Variants in NRXN3 observed in about 807,000 individuals in gnomAD.
The protein encoded by NRXN3 is neurexin 3.
In NRXN3, 32 loss-of-function variants were observed where a neutral mutation model predicts 137.6. The ratio of observed to expected loss-of-function variants is 0.23; its 90% CI spans 0.18 to 0.31. The LOEUF is 0.31. NRXN3 is among the 10% of genes least tolerant of loss of function. The pLI is 1.00. For missense variants in NRXN3, 1,574 were observed against 2,062.5 expected, an observed-to-expected ratio of 0.76 and a Z score of 4.59; for synonymous variants, 798 against 784.5, an observed-to-expected ratio of 1.02 and a Z score of -0.29.
At chr14:79,565,617 C>T (rs2097544156) in intron 16 of NRXN3, among the ~76,000 whole-genome samples, 1 of 151,678 alleles carries the variant, frequency 6.6e-6, no homozygotes. Context: ...GTGGAAATTA[C>T]CAATAGGCAG....
chr14:79,139,450 T>A (rs998168881), intron 15 of NRXN3, among the ~76,000 whole-genome samples: 5 of 152,182 alleles, frequency 3.3e-5, no homozygotes, highest in Non-Finnish European at 7.4e-5. Flanking sequence ...ATGAGATTTA[T>A]GGGTTTCACT....
At chr14:78,852,899 T>C (rs2099046536) in intron 10 of NRXN3, among the ~76,000 whole-genome samples, 1 of 151,558 alleles carries the variant, frequency 6.6e-6, no homozygotes, top group Non-Finnish European at 1.5e-5. Flanking sequence ...TTTGAGTTTG[T>C]TTTAATTTTT....
intron 16 of NRXN3, among the ~76,000 whole-genome samples, chr14:79,479,199 T>C (rs565688274): frequency 5.4e-4 from 82 of 152,150 alleles, no homozygotes; most frequent in Admixed American, 1.0e-3. Flanking sequence ...TTCCGCTGGC[T>C]GACTTTTCAT....
intron 15 of NRXN3, among the ~76,000 whole-genome samples, chr14:79,091,869 A>C (rs1471559699): frequency 6.6e-6 from 1 of 152,040 alleles, no homozygotes; most frequent in Non-Finnish European, 1.5e-5. Flanking sequence ...AATCCATGTT[A>C]ATCTTTTCTA....
chr14:79,291,129 C>T (rs1038049731), intron 15 of NRXN3, among the ~76,000 whole-genome samples: 5 of 152,264 alleles, frequency 3.3e-5, no homozygotes, highest in African/African-American at 1.2e-4. Context: ...AATATCTCTG[C>T]ATAATGGAAT....
intron 8 of NRXN3, among the ~76,000 whole-genome samples, chr14:78,776,436 T>G (rs2098745281): frequency 6.6e-6 from 1 of 152,046 alleles, no homozygotes; most frequent in Non-Finnish European, 1.5e-5. Flanking sequence ...GAGCAGATAA[T>G]AGTATTGGGG....
intron 15 of NRXN3, among the ~76,000 whole-genome samples, chr14:79,270,039 G>A (rs1297848575): frequency 6.6e-6 from 1 of 152,244 alleles, no homozygotes; most frequent in African/African-American, 2.4e-5. Flanking sequence ...ATAAGGCCAG[G>A]GATGACATTT....
At chr14:79,577,214 T>C (rs2097673575) in intron 16 of NRXN3, among the ~76,000 whole-genome samples, 1 of 152,176 alleles carries the variant, frequency 6.6e-6, no homozygotes, top group Non-Finnish European at 1.5e-5. Context: ...ATTAAACCTG[T>C]TTTTCTTTAT....
intron 19 of NRXN3, among the ~76,000 whole-genome samples, chr14:79,709,251 A>G (rs896259284): frequency 1.6e-4 from 24 of 152,158 alleles, no homozygotes; most frequent in African/African-American, 5.8e-4. Context: ...CTGAGTAATC[A>G]TGGTATCTGT....
At chr14:78,716,119 T>A (rs771512831) in intron 8 of NRXN3, among the ~76,000 whole-genome samples, 17 of 152,154 alleles carry the variant, frequency 1.1e-4, no homozygotes, top group Non-Finnish European at 2.2e-4. Context: ...TGGGCCAGAA[T>A]GCTGGGAGGA....
intron 11 of NRXN3, 83 bp from the exon 12 acceptor site, chr14:78,965,942 G>A (rs2099416604): frequency 1.4e-6 from 2 of 1,467,550 alleles, no homozygotes; most frequent in South Asian, 2.6e-5. Flanking sequence ...GTGGAAACAG[G>A]TTACACCCAA....
chr14:79,831,629 T>A (rs1306685859), intron 20 of NRXN3, among the ~76,000 whole-genome samples: 6 of 152,152 alleles, frequency 3.9e-5, no homozygotes, highest in Non-Finnish European at 8.8e-5. Context: ...CCCAGCTCCA[T>A]CACTCTAAGA....
chr14:79,053,044 T>C (rs2099644241), intron 15 of NRXN3, among the ~76,000 whole-genome samples: 1 of 152,258 alleles, frequency 6.6e-6, no homozygotes, highest in Non-Finnish European at 1.5e-5. Flanking sequence ...TTACATTCAT[T>C]CATTCATTGA....
At position 78,377,235 on chromosome 14, in the gene NRXN3, C is replaced by T. The variant is rs146285589; in HGVS notation, c.757+79375C>T. 6.5e-3 allele frequency among the ~76,000 whole-genome samples: 985 copies of T among 152,244 alleles called. 6 individuals are homozygous for T. The highest frequency in any genetic ancestry group is 0.022 in the African/African-American group (925 of 41,510). Reference sequence around the variant, plus strand: ...GATAGGAAAATATATATTATGCCAACATTAATTGAAAGAAAATAGGAGTGA... The same window carrying T: ...GATAGGAAAATATATATTATGCCAATATTAATTGAAAGAAAATAGGAGTGA... On this transcript the variant is annotated intron_variant, in intron 4 of 20. Coordinates refer to ENST00000335750, the MANE Select transcript of NRXN3 (RefSeq NM_001330195.2).
At position 78,737,860 on chromosome 14, in the gene NRXN3, AG is replaced by A. The variant is rs1202402371; in HGVS notation, c.2044+22722del. ...TCGCTTTTGGCAGTGACCTGGGTAT[AG>A]TAGGTACTGCTTACCTGCTATCATC... is the stretch of plus-strand genomic sequence containing the variant. On this transcript the variant is annotated intron_variant, in intron 8 of 20. Coordinates refer to ENST00000335750, the MANE Select transcript of NRXN3 (RefSeq NM_001330195.2). 2.2e-4 allele frequency among the ~76,000 whole-genome samples: 33 copies of A among 152,202 alleles called. No individual in the cohort carries two copies. The South Asian group carries it at 6.4e-3, about 30-fold the overall frequency.
intron 15 of NRXN3, among the ~76,000 whole-genome samples, chr14:79,265,853 C>T (rs2078388484): frequency 6.6e-6 from 1 of 152,158 alleles, no homozygotes; most frequent in South Asian, 2.1e-4. Flanking sequence ...CTCTCTTCTA[C>T]CACCCCTGCC....
intron 15 of NRXN3, among the ~76,000 whole-genome samples, chr14:79,442,568 T>C (rs1038455792): frequency 2.0e-5 from 3 of 152,174 alleles, no homozygotes; most frequent in African/African-American, 7.2e-5. Context: ...GGACAGGACA[T>C]GGTTGGCAAC....
At chr14:79,616,240 G>A (rs1295674821) in intron 16 of NRXN3, among the ~76,000 whole-genome samples, 2 of 152,134 alleles carry the variant, frequency 1.3e-5, no homozygotes, top group East Asian at 3.9e-4. Flanking sequence ...ATCCAGGAAG[G>A]GGATGATGGA....
At chr14:78,960,275 C>CT (rs1343138126) in intron 11 of NRXN3, among the ~76,000 whole-genome samples, 1 of 152,056 alleles carries the variant, frequency 6.6e-6, no homozygotes, top group Non-Finnish European at 1.5e-5. Flanking sequence ...TCTTGGGTTG[C>CT]TTTTTATAGT....
Sources: allele counts gnomAD v4.1 joint callset (sites outside exome capture counted in the v4.1 genomes callset), GRCh38; gene constraint gnomAD v4.1.1; transcripts MANE v1.5; gene names NCBI Gene and HGNC (gene_info 2026-07-23, HGNC 2026-07-21).